TBC1D14: variants seen among roughly 807,000 people sequenced by gnomAD.
TBC1D14 encodes TBC1 domain family, member 14.
TBC1D14 carries 26 observed loss-of-function variants against 79.0 expected under a neutral mutation model. The observed-to-expected ratio is 0.33, with a 90% CI of 0.24 to 0.46. The LOEUF is 0.46. Among genes scored for constraint, TBC1D14 ranks in the 20% least tolerant of loss-of-function variants. The probability of loss-of-function intolerance (pLI) is 1.00; values close to 1 mark genes in which losing one functional copy is unlikely to be tolerated. For missense variants in TBC1D14, 769 were observed against 887.6 expected (o/e 0.87, Z 1.70); for synonymous variants, 394 against 349.9 (o/e 1.13, Z -1.40).
chr4:6,961,875 C>T (rs538150408), intron 2 of TBC1D14, among the ~76,000 whole-genome samples: 2 of 152,158 alleles, frequency 1.3e-5, no homozygotes, highest in Non-Finnish European at 2.9e-5. Context: ...GTGGGGAGTC[C>T]TGGTGTTAAC....
At chr4:6,991,424 C>T (rs1003620123) in intron 3 of TBC1D14, among the ~76,000 whole-genome samples, 1 of 152,286 alleles carries the variant, frequency 6.6e-6, no homozygotes, top group East Asian at 1.9e-4. Context: ...TCTGGGTCCC[C>T]GTGTGTGTTT....
At chr4:6,992,748 A>G (rs1464577502) in intron 3 of TBC1D14, among the ~76,000 whole-genome samples, 1 of 152,236 alleles carries the variant, frequency 6.6e-6, no homozygotes, top group East Asian at 1.9e-4. Flanking sequence ...AAGCTTCATG[A>G]GGGCTAGTGC....
chr4:6,960,912 G>A (rs1404788805), intron 2 of TBC1D14, among the ~76,000 whole-genome samples: 2 of 152,176 alleles, frequency 1.3e-5, no homozygotes, highest in East Asian at 1.9e-4. Context: ...TGTCCAACGC[G>A]TACCTGACTA....
In TBC1D14 at chr4:6,909,851, C is replaced by T. The variant is rs1722821539; in HGVS notation, c.-118C>T. 6.7e-6 allele frequency: 1 copy of T among 148,202 alleles called. No individual in the cohort carries two copies. The highest frequency in any genetic ancestry group is 1.5e-5 in the Non-Finnish European group (1 of 66,432). The allele number at this position is 148,202 out of a possible 1,614,324, so 9.2% of individuals were successfully genotyped here. A position where few individuals can be genotyped will look rare whatever the true frequency, so the allele number is the denominator to read the frequency against. ...ACCTGCGGGTCGGACCCGCTGCCTA[C>T]CGCGTGCCCGGCGTCCTCGTCGCGC... On this transcript the variant is annotated 5_prime_UTR_variant, in exon 1 of 14. Transcript: ENST00000409757.
At chr4:6,928,043 G>A (rs548597967) in intron 2 of TBC1D14, among the ~76,000 whole-genome samples, 4 of 152,076 alleles carry the variant, frequency 2.6e-5, no homozygotes, top group African/African-American at 9.7e-5. Context: ...GAAGCCAGGG[G>A]TTTAATCTCC....
chr4:7,007,063 G>A (rs34870129), intron 9 of TBC1D14, among the ~76,000 whole-genome samples: 5,539 of 152,256 alleles, frequency 0.036, 337 homozygotes, highest in African/African-American at 0.13. Flanking sequence ...CTGCTCTCAG[G>A]ACTGTGTGTA....
chr4:7,032,403 T>C lies in TBC1D14; in HGVS notation c.*2011T>C, dbSNP rs1325682241. On this transcript the variant is annotated 3_prime_UTR_variant, in exon 14 of 14. Coordinates refer to ENST00000409757, the MANE Select transcript of TBC1D14 (RefSeq NM_020773.3). ...TGGCGCGGCAAAGGGCCTCGTGCAGTGTGTTCAGATTGCCCCTGGGGATCT... is the reference window on the plus strand; with the variant it reads ...TGGCGCGGCAAAGGGCCTCGTGCAGCGTGTTCAGATTGCCCCTGGGGATCT... 1 of 152,694 alleles carries C rather than the reference T, an allele frequency of 6.5e-6. No individual in the cohort carries two copies. The highest frequency in any genetic ancestry group is 1.9e-4 in the East Asian group (1 of 5,200). 9.5% of individuals were successfully genotyped at this position (152,694 alleles called of 1,614,324 possible).
At chr4:6,926,193 T>G (rs1724285072) in intron 2 of TBC1D14, among the ~76,000 whole-genome samples, 1 of 152,208 alleles carries the variant, frequency 6.6e-6, no homozygotes, top group Admixed American at 6.5e-5. Context: ...ACCTGAGAAG[T>G]GGGGATAATG....
At chr4:6,960,445 C>T (rs1425495610) in intron 2 of TBC1D14, among the ~76,000 whole-genome samples, 3 of 152,030 alleles carry the variant, frequency 2.0e-5, no homozygotes, top group Admixed American at 6.6e-5. Context: ...TGAATATAAG[C>T]AGTTTTTGTG....
At chr4:6,982,101 A>C (rs2109100819) in intron 3 of TBC1D14, among the ~76,000 whole-genome samples, 2 of 152,348 alleles carry the variant, frequency 1.3e-5, no homozygotes, top group Admixed American at 1.3e-4. Context: ...ATATACTTAG[A>C]ATTAGCCCAG....
At position 6,951,291 on chromosome 4, in the gene TBC1D14, C is replaced by CA. The variant is rs575973362; in HGVS notation, c.723-16005dup. On this transcript the variant is annotated intron_variant, in intron 2 of 13. Transcript: ENST00000409757. The stretch of plus-strand genomic sequence containing the variant: ...TGGGCGGCAGAGCAAGACTGCATCT[C>CA]AAAAAAAATAAACAACAACAACAAC... 3.2e-3 allele frequency among the ~76,000 whole-genome samples: 487 copies of CA among 151,062 alleles called. 1 individual carries two copies. Among genetic ancestry groups the CA allele is most frequent in the African/African-American group, 0.011 (456 of 41,138 alleles).
chr4:7,016,263 G>A (rs746347813), intron 12 of TBC1D14, among the ~76,000 whole-genome samples: 1 of 152,222 alleles, frequency 6.6e-6, no homozygotes, highest in Non-Finnish European at 1.5e-5. Flanking sequence ...CGTGAGTGGC[G>A]CTGGCGGGGA....
At chr4:6,944,829 CCTT>C (rs1413281999) in intron 2 of TBC1D14, among the ~76,000 whole-genome samples, 1 of 152,232 alleles carries the variant, frequency 6.6e-6, no homozygotes, top group African/African-American at 2.4e-5. Flanking sequence ...CTTCCAGGAA[CCTT>C]CTCACTATCC....
At chr4:7,025,802 C>T (rs960067984) in intron 13 of TBC1D14, among the ~76,000 whole-genome samples, 1 of 152,222 alleles carries the variant, frequency 6.6e-6, no homozygotes, top group Non-Finnish European at 1.5e-5. Context: ...GTGCCCCAAA[C>T]AGTGGCGCGG....
At chr4:6,966,682 G>A (rs1220958559) in intron 2 of TBC1D14, among the ~76,000 whole-genome samples, 1 of 152,184 alleles carries the variant, frequency 6.6e-6, no homozygotes, top group Non-Finnish European at 1.5e-5. Context: ...CTAATGAATG[G>A]TTGAGCCAGA....
At chr4:6,978,105 CGGGA>C (rs1716968902) in intron 3 of TBC1D14, among the ~76,000 whole-genome samples, 1 of 149,334 alleles carries the variant, frequency 6.7e-6, no homozygotes, top group Non-Finnish European at 1.5e-5. Context: ...CCGCCCCATC[CGGGA>C]GGGAGGTGGG....
At chr4:7,004,316 C>T (rs1427627499) in intron 7 of TBC1D14, among the ~76,000 whole-genome samples, 1 of 152,244 alleles carries the variant, frequency 6.6e-6, no homozygotes, top group African/African-American at 2.4e-5. Flanking sequence ...CTGGGATCTT[C>T]CCCCACCCCT....
chr4:6,943,782 T>A (rs987695261), intron 2 of TBC1D14, among the ~76,000 whole-genome samples: 1 of 152,218 alleles, frequency 6.6e-6, no homozygotes, highest in African/African-American at 2.4e-5. Context: ...CCTGTGGTTT[T>A]CCGAGCCGGT....
At chr4:7,025,953 ACT>A (rs1249634899) in intron 13 of TBC1D14, among the ~76,000 whole-genome samples, 1 of 151,966 alleles carries the variant, frequency 6.6e-6, no homozygotes, top group East Asian at 1.9e-4. Flanking sequence ...TCCTGCATAC[ACT>A]CTGCATTGGT....
Sources: allele counts gnomAD v4.1 joint callset (sites outside exome capture counted in the v4.1 genomes callset), GRCh38; gene constraint gnomAD v4.1.1; transcripts MANE v1.5; gene names NCBI Gene and HGNC (gene_info 2026-07-23, HGNC 2026-07-21).